Variants in SCD5 observed in about 807,000 individuals in gnomAD.
SCD5 encodes the protein acyl-CoA-desaturase 4.
Under a neutral mutation model 30.4 loss-of-function variants are expected in SCD5, and 20 were observed. The ratio of observed to expected loss-of-function variants is 0.66; its 90% CI spans 0.46 to 0.96. The LOEUF is 0.96. Ranked by LOEUF, SCD5 falls within the 40% of genes least tolerant of loss-of-function variation. The pLI is 0.00. For missense variants in SCD5, 381 were observed against 443.3 expected (o/e 0.86, Z 1.26); for synonymous variants, 173 against 176.4 (o/e 0.98, Z 0.16).
chr4:82,635,723 G>C lies in SCD5; in HGVS notation c.802+868C>G, dbSNP rs141472457. 1.8e-3 allele frequency among the ~76,000 whole-genome samples: 275 copies of C among 151,928 alleles called. 4 individuals carry two copies. The highest frequency in any genetic ancestry group is 0.01 in the East Asian group (53 of 5,160). On this transcript the variant is annotated intron_variant, in intron 4 of 4. Transcript: ENST00000319540. The stretch of plus-strand genomic sequence containing the variant: ...TTAGCCCTCTAATGACCCAGGAGGA[G>C]GTAAGTGCTAGTATTACCCCCACTT...
intron 1 of SCD5, among the ~76,000 whole-genome samples, chr4:82,773,638 C>T (rs1284022985): frequency 6.6e-6 from 1 of 152,206 alleles, no homozygotes; most frequent in Non-Finnish European, 1.5e-5. Flanking sequence ...GCACTATTAA[C>T]ATTTTGGACT....
chr4:82,713,419 T>G (rs1345650388), intron 1 of SCD5, among the ~76,000 whole-genome samples: 1 of 152,190 alleles, frequency 6.6e-6, no homozygotes, highest in African/African-American at 2.4e-5. Context: ...ACCACACAGT[T>G]TGTAATTCAA....
At chr4:82,762,618 G>A (rs1425100295) in intron 1 of SCD5, among the ~76,000 whole-genome samples, 1 of 152,112 alleles carries the variant, frequency 6.6e-6, no homozygotes, top group Non-Finnish European at 1.5e-5. Flanking sequence ...GTACCTCCAC[G>A]TTAGATAAAA....
At chr4:82,780,978 T>A (rs368664682) in intron 1 of SCD5, among the ~76,000 whole-genome samples, 2 of 152,072 alleles carry the variant, frequency 1.3e-5, no homozygotes, top group African/African-American at 4.8e-5. Context: ...CCTGGCTAGG[T>A]CTAGAAGGCC....
At position 82,759,353 on chromosome 4, in the gene SCD5, T is replaced by A. The variant is rs549480097; in HGVS notation, c.232+38953A>T. ...AGGGCAGGGAGCGCACCTCCTCTCT[T>A]TCTTCCTAGAGCTCCTGCCCCAGGC... is the stretch of plus-strand genomic sequence containing the variant. On this transcript the variant is annotated intron_variant, in intron 1 of 4. Coordinates refer to ENST00000319540, the MANE Select transcript of SCD5 (RefSeq NM_001037582.3). 2.0e-4 allele frequency among the ~76,000 whole-genome samples: 31 copies of A among 152,242 alleles called. No individual in the cohort carries two copies. In the East Asian group the frequency reaches 5.2e-3, roughly 26 times the overall value.
chr4:82,645,848 T>C (rs932102484), intron 3 of SCD5, among the ~76,000 whole-genome samples: 1 of 152,262 alleles, frequency 6.6e-6, no homozygotes, highest in Non-Finnish European at 1.5e-5. Flanking sequence ...TTGGGATTTC[T>C]TTTTATTTCC....
intron 3 of SCD5, among the ~76,000 whole-genome samples, chr4:82,651,441 C>T (rs1727748332): frequency 6.6e-6 from 1 of 151,878 alleles, no homozygotes; most frequent in Non-Finnish European, 1.5e-5. Flanking sequence ...AAGAGTGATA[C>T]ACTGGACTTT....
intron 2 of SCD5, among the ~76,000 whole-genome samples, chr4:82,700,946 A>C (rs1719823989): frequency 6.6e-6 from 1 of 152,196 alleles, no homozygotes; most frequent in South Asian, 2.1e-4. Flanking sequence ...GATCTACATA[A>C]GTGAAGGTAA....
chr4:82,722,057 T>C (rs1052924797), intron 1 of SCD5, among the ~76,000 whole-genome samples: 1 of 152,226 alleles, frequency 6.6e-6, no homozygotes. Context: ...CAGTGCCTTA[T>C]GGAACTAAGC....
chr4:82,785,227 G>C (rs1348544234), intron 1 of SCD5, among the ~76,000 whole-genome samples: 2 of 152,202 alleles, frequency 1.3e-5, no homozygotes, highest in Non-Finnish European at 2.9e-5. Flanking sequence ...CAATTGAAAA[G>C]AAGCAGATAC....
chr4:82,752,849 C>G (rs17354106), intron 1 of SCD5, among the ~76,000 whole-genome samples: 1 of 152,174 alleles, frequency 6.6e-6, no homozygotes, highest in African/African-American at 2.4e-5. Context: ...ATCCTACCCA[C>G]CAAATACTGC....
chr4:82,652,522 A>G (rs1727778680), intron 3 of SCD5, among the ~76,000 whole-genome samples: 1 of 152,182 alleles, frequency 6.6e-6, no homozygotes, highest in Non-Finnish European at 1.5e-5. Flanking sequence ...TACCACTTAC[A>G]AAATATTACT....
intron 1 of SCD5, among the ~76,000 whole-genome samples, chr4:82,793,719 C>T (rs922055826): frequency 6.6e-6 from 1 of 152,184 alleles, no homozygotes; most frequent in African/African-American, 2.4e-5. Context: ...ATTCTCACAA[C>T]TTTAGGAACA....
chr4:82,721,320 G>A (rs1284508943), intron 1 of SCD5, among the ~76,000 whole-genome samples: 1 of 152,100 alleles, frequency 6.6e-6, no homozygotes, highest in Admixed American at 6.5e-5. Flanking sequence ...CCCCACAGAT[G>A]TTTCTAAGCA....
At chr4:82,743,979 C>T (rs371375139) in intron 1 of SCD5, among the ~76,000 whole-genome samples, 7 of 152,176 alleles carry the variant, frequency 4.6e-5, no homozygotes, top group Admixed American at 2.6e-4. Flanking sequence ...GCACGCACCA[C>T]CACACCTGGA....
At chr4:82,778,828 T>C (rs1721807679) in intron 1 of SCD5, among the ~76,000 whole-genome samples, 1 of 152,190 alleles carries the variant, frequency 6.6e-6, no homozygotes, top group Non-Finnish European at 1.5e-5. Context: ...CAGAAGGTAA[T>C]TAAGCTCACA....
At chr4:82,647,289 AACAG>A (rs1256379048) in intron 3 of SCD5, among the ~76,000 whole-genome samples, 10 of 151,902 alleles carry the variant, frequency 6.6e-5, no homozygotes, top group East Asian at 1.9e-4. Flanking sequence ...CTGAAAGGAC[AACAG>A]ACAGAGTACA....
Position 82,629,567 on chromosome 4 carries a change from C to T in SCD5, c.*1760G>A, listed in dbSNP as rs1727245551. 1 of 152,212 alleles carries T rather than the reference C, an allele frequency of 6.6e-6. No individual in the cohort carries two copies. The highest frequency in any genetic ancestry group is 2.4e-5 in the African/African-American group (1 of 41,460). 9.4% of individuals were successfully genotyped at this position (152,212 alleles called of 1,614,324 possible). A position where few individuals can be genotyped will look rare whatever the true frequency, so the allele number is the denominator to read the frequency against. On this transcript the variant is annotated 3_prime_UTR_variant, in exon 5 of 5. Coordinates refer to ENST00000319540, the MANE Select transcript of SCD5 (RefSeq NM_001037582.3). ...ATTCATAATCATTTATTGTAAATCA[C>T]TCACAGTTTACACATTACCAGTGGC...
At position 82,798,429 on chromosome 4, in the gene SCD5, C is replaced by T; in HGVS notation, c.109G>A (p.Gly37Ser). The change falls in exon 1 of 5, where the codon GGC becomes AGC. Residue 37 changes from glycine to serine, a missense_variant. By Grantham distance (56) the Gly-to-Ser change is moderately conservative. Transcript: ENST00000319540. The stretch of plus-strand genomic sequence containing the variant: ...ATGTTCTGCCGCTGCCCGCGCGCGC[C>T]TGGCCTCTCCGGGCCGCCGCCGCCC... The part of the protein sequence containing the change: ...SEGGGGPERP[G>S]ARGQRQNIVW... 1 of 1,613,236 alleles carries T rather than the reference C, an allele frequency of 6.2e-7. No individual in the cohort carries two copies. The highest frequency in any genetic ancestry group is 2.2e-5 in the East Asian group (1 of 44,838).
Sources: gnomAD v4.1 joint callset for allele counts (sites outside exome capture counted in the v4.1 genomes callset) on GRCh38, gnomAD v4.1.1 for gene constraint, MANE v1.5 for transcripts, NCBI Gene and HGNC (gene_info 2026-07-23, HGNC 2026-07-21) for gene names.